The following DNAH11 variants were observed in gnomAD, a reference collection of about 807,000 sequenced individuals.
The protein encoded by DNAH11 is axonemal beta dynein heavy chain 11.
A neutral mutation model predicts 526.0 loss-of-function variants in DNAH11; 442 were observed. That is an observed-to-expected ratio of 0.84 (90% CI 0.78 to 0.91). The LOEUF is 0.91. DNAH11 is among the 40% of genes least tolerant of loss of function. The pLI, the probability that DNAH11 is intolerant of heterozygous loss-of-function variation, is 0.00. For synonymous variants in DNAH11, 2,461 were observed against 1,935.9 expected (o/e 1.27, Z -7.12); for missense variants, 6,989 against 5,448.7 (o/e 1.28, Z -8.90).
Position 21,858,469 on chromosome 7 carries a change from A to G in DNAH11, c.11203-3384A>G, listed in dbSNP as rs528409402. 1.8e-3 allele frequency among the ~76,000 whole-genome samples: 268 copies of G among 152,336 alleles called. 1 individual carries two copies. Among genetic ancestry groups the G allele is most frequent in the African/African-American group, 6.2e-3 (257 of 41,580 alleles). ...AAAGCCAAAGTCTAAAAACAATCCA[A>G]AGGACTGACACATTAATAGTCATGC... On this transcript the variant is annotated intron_variant, in intron 68 of 81. Coordinates refer to ENST00000409508, the MANE Select transcript of DNAH11 (RefSeq NM_001277115.2).
At chr7:21,692,046 G>A (rs1006111865) in intron 35 of DNAH11, among the ~76,000 whole-genome samples, 1 of 152,116 alleles carries the variant, frequency 6.6e-6, no homozygotes, top group Non-Finnish European at 1.5e-5. Context: ...CCTAGTATCC[G>A]TTACGATTCA....
In DNAH11 at chr7:21,749,583, G is replaced by A. The variant is rs116049138; in HGVS notation, c.8674-95G>A. 5.3e-5 allele frequency: 81 copies of A among 1,527,240 alleles called. No individual in the cohort carries two copies. The African/African-American group carries it at 9.4e-4, about 18-fold the overall frequency. The allele number at this position is 1,527,240 out of a possible 1,614,324, so 94.6% of individuals were successfully genotyped here. On this transcript the variant is annotated intron_variant, in intron 52 of 81. Coordinates refer to ENST00000409508, the MANE Select transcript of DNAH11 (RefSeq NM_001277115.2). ...GAAAGGCACCCCACAGTGCTATGGCGATACAGTTACTGAGTTCTCCCCAGC... is the reference window on the plus strand; with the variant it reads ...GAAAGGCACCCCACAGTGCTATGGCAATACAGTTACTGAGTTCTCCCCAGC...
intron 2 of DNAH11, among the ~76,000 whole-genome samples, chr7:21,547,726 C>T (rs908739368): frequency 3.9e-5 from 6 of 152,186 alleles, no homozygotes; most frequent in Non-Finnish European, 8.8e-5. Flanking sequence ...AGGCTGGCTG[C>T]CAGTACTTAG....
At chr7:21,842,036 A>C (rs1016051680) in intron 65 of DNAH11, among the ~76,000 whole-genome samples, 3 of 152,162 alleles carry the variant, frequency 2.0e-5, no homozygotes, top group African/African-American at 7.2e-5. Context: ...TGTAGCTCAC[A>C]TTTATTTCAG....
intron 65 of DNAH11, among the ~76,000 whole-genome samples, chr7:21,835,564 C>A (rs1465685525): frequency 6.6e-6 from 1 of 152,058 alleles, no homozygotes; most frequent in Non-Finnish European, 1.5e-5. Flanking sequence ...AATTCAAGAT[C>A]CTTTCATGAG....
intron 6 of DNAH11, among the ~76,000 whole-genome samples, chr7:21,565,993 C>T (rs942462917): frequency 3.9e-5 from 6 of 152,126 alleles, no homozygotes; most frequent in South Asian, 2.1e-4. Context: ...GTCCTAATGG[C>T]GCGGGTCTCT....
At chr7:21,601,201 T>C in intron 17 of DNAH11, 22 bp downstream of exon 17, 1 of 1,578,032 alleles carries the variant, frequency 6.3e-7, no homozygotes, top group African/African-American at 1.4e-5. Flanking sequence ...CTTTGGTTTT[T>C]GGAATTATAA....
At position 21,899,437 on chromosome 7, in the gene DNAH11, CCTT is replaced by C. The variant is rs754309314; in HGVS notation, c.13155_13157del (p.Phe4385del). On this transcript the variant is annotated inframe_deletion, in exon 80 of 82. Coordinates refer to ENST00000409508, the MANE Select transcript of DNAH11 (RefSeq NM_001277115.2). ...CTCTCCGGCTTCTTCAACCCTCAGT[CCTT>C]CTTAACTGGTAAGGGCTGACGCAGT... 6.8e-6 allele frequency: 11 copies of C among 1,613,236 alleles called. No homozygotes were observed. The highest frequency in any genetic ancestry group is 2.2e-5 in the East Asian group (1 of 44,882).
In DNAH11 at chr7:21,690,664, C is replaced by T. The variant is rs796759123; in HGVS notation, c.5925-101C>T. On this transcript the variant is annotated intron_variant, in intron 34 of 81. Coordinates refer to ENST00000409508, the MANE Select transcript of DNAH11 (RefSeq NM_001277115.2). ...TTTAAAGAAAATTACACAGAATAAA[C>T]AGCTTCCTAATAATTTGCATTTTGC... 10 of 814,784 alleles carry T rather than the reference C, an allele frequency of 1.2e-5. No individual in the cohort carries two copies. The African/African-American group carries it at 1.6e-4, about 13-fold the overall frequency. The allele number at this position is 814,784 out of a possible 1,614,324, so 50.5% of individuals were successfully genotyped here.
intron 66 of DNAH11, among the ~76,000 whole-genome samples, chr7:21,849,980 T>C (rs1263279234): frequency 2.5e-5 from 3 of 119,254 alleles, no homozygotes; most frequent in Admixed American, 8.0e-5. Flanking sequence ...ATTTTTATTC[T>C]TTTTTTTTTT....
In DNAH11 at chr7:21,745,078, C is replaced by A; in HGVS notation, c.8510+15C>A. Reference sequence around the variant, plus strand: ...ATGCAACATGTGTGAGTTAACTAGTCACGATGCTTTTCCACAAAAGGAAGA... The same window carrying A: ...ATGCAACATGTGTGAGTTAACTAGTAACGATGCTTTTCCACAAAAGGAAGA... On this transcript the variant is annotated intron_variant, in intron 51 of 81. Transcript: ENST00000409508. 6.3e-7 allele frequency: 1 copy of A among 1,593,148 alleles called. No individual in the cohort carries two copies. Among genetic ancestry groups the A allele is most frequent in the South Asian group, 1.1e-5 (1 of 87,530 alleles).
chr7:21,659,271 C>CA (rs1481074772), intron 30 of DNAH11, among the ~76,000 whole-genome samples: 3 of 148,324 alleles, frequency 2.0e-5, no homozygotes, highest in African/African-American at 7.5e-5. Flanking sequence ...GGATAGCACT[C>CA]ATACTAGATA....
rs559456225 is a variant in DNAH11, at chr7:21,707,888, G to A, written c.6683+53G>A. On this transcript the variant is annotated intron_variant, in intron 40 of 81. Coordinates refer to ENST00000409508, the MANE Select transcript of DNAH11 (RefSeq NM_001277115.2). ...ATTTTTTTTTTCTATCCAGAAAGCC[G>A]TTTTTCAGTACAAGCCAATTTTAGT... The A allele has an allele frequency of 1.1e-4, 173 of 1,509,488 alleles. 2 individuals are homozygous for A. The South Asian group carries it at 2.0e-3, about 17-fold the overall frequency. 93.5% of individuals were successfully genotyped at this position (1,509,488 alleles called of 1,614,324 possible).
chr7:21,818,078 C>G (rs1417070994), intron 64 of DNAH11, 139 bp from the exon 65 acceptor site: 1 of 729,598 alleles, frequency 1.4e-6, no homozygotes, highest in Non-Finnish European at 2.1e-6. Context: ...TGGAAGGGAA[C>G]TACTACTTTA....
intron 30 of DNAH11, among the ~76,000 whole-genome samples, chr7:21,662,052 C>T (rs1349176174): frequency 6.6e-6 from 1 of 152,014 alleles, no homozygotes; most frequent in African/African-American, 2.4e-5. Flanking sequence ...CTCCTGACCT[C>T]AAGATGATCC....
chr7:21,711,889 T>C, intron 42 of DNAH11, 29 bp downstream of exon 42: 1 of 1,575,312 alleles, frequency 6.3e-7, no homozygotes, highest in Non-Finnish European at 8.6e-7. Flanking sequence ...TTTATTGTAG[T>C]AAATTGTATG....
At position 21,857,251 on chromosome 7, in the gene DNAH11, A is replaced by G. The variant is rs576087390; in HGVS notation, c.11202+2796A>G. ...AAAGCCGTGAAGCTTTTTAGGAATA[A>G]TTTTAATAAAATATATGCAAGGTTT... On this transcript the variant is annotated intron_variant, in intron 68 of 81. Transcript: ENST00000409508. Among the ~76,000 whole-genome samples the G allele has an allele frequency of 1.7e-4, 26 of 152,322 alleles. 2 individuals carry two copies. Among genetic ancestry groups the G allele is most frequent in the South Asian group, 1.7e-3 (8 of 4,828 alleles).
In DNAH11 at chr7:21,868,860, AC is replaced by A; in HGVS notation, c.11840-3del. On this transcript the variant is annotated splice_region_variant and splice_polypyrimidine_tract_variant and intron_variant, in intron 72 of 81. Transcript: ENST00000409508. ...TCCTCTCACCGTGGTGTATTCTCCC[AC>A]AGGCAAAAGACTTGGCTTTACAATT... is the stretch of plus-strand genomic sequence containing the variant. 1 of 1,613,926 alleles carries A rather than the reference AC, an allele frequency of 6.2e-7. No individual in the cohort carries two copies.
At chr7:21,795,694 G>A (rs924953494) in intron 61 of DNAH11, among the ~76,000 whole-genome samples, 1 of 152,198 alleles carries the variant, frequency 6.6e-6, no homozygotes, top group South Asian at 2.1e-4. Flanking sequence ...CTAGGCACTG[G>A]AGTCAGAGGG....
Sources: gnomAD v4.1 joint callset for allele counts (sites outside exome capture counted in the v4.1 genomes callset) on GRCh38, gnomAD v4.1.1 for gene constraint, MANE v1.5 for transcripts, NCBI Gene and HGNC (gene_info 2026-07-23, HGNC 2026-07-21) for gene names.